The following NIBAN1 variants were observed in gnomAD, a reference collection of about 807,000 sequenced individuals.
The protein encoded by NIBAN1 is niban apoptosis regulator 1, also known as protein Niban 1.
Under a neutral mutation model 75.1 loss-of-function variants are expected in NIBAN1, and 81 were observed. That is an observed-to-expected ratio of 1.08 (90% CI 0.90 to 1.30). The LOEUF is 1.30. Ranked by LOEUF, NIBAN1 falls within the 50% of genes most tolerant of loss-of-function variation. The pLI is 0.00. For missense variants in NIBAN1, 1,133 were observed against 1,128.1 expected (o/e 1.00, Z -0.06); for synonymous variants, 436 against 424.8 (o/e 1.03, Z -0.32).
intron 11 of NIBAN1, 149 bp downstream of exon 11, chr1:184,805,797 T>C: frequency 1.6e-6 from 1 of 637,728 alleles, no homozygotes; most frequent in Non-Finnish European, 2.7e-6. Context: ...CTGGAGAAAC[T>C]GCAGCGGACT....
chr1:184,845,222 T>A (rs1655404977), intron 5 of NIBAN1, among the ~76,000 whole-genome samples: 1 of 152,060 alleles, frequency 6.6e-6, no homozygotes, highest in South Asian at 2.1e-4. Context: ...AACAGAGCTT[T>A]ACACTTAGGG....
At position 184,794,919 on chromosome 1, in the gene NIBAN1, T is replaced by C; in HGVS notation, c.*58A>G. 1 of 1,599,278 alleles carries C rather than the reference T, an allele frequency of 6.3e-7. No individual in the cohort carries two copies. Among genetic ancestry groups the C allele is most frequent in the Middle Eastern group, 1.7e-4 (1 of 6,058 alleles). On this transcript the variant is annotated 3_prime_UTR_variant, in exon 14 of 14. Transcript: ENST00000367511. ...TAACAGCTTGCATGCAACCCCTAAG[T>C]GTACCCCTATAACCCTTTGGCTTTT...
intron 2 of NIBAN1, among the ~76,000 whole-genome samples, chr1:184,895,460 C>G (rs566737899): frequency 3.9e-5 from 6 of 152,330 alleles, no homozygotes; most frequent in African/African-American, 1.2e-4. Flanking sequence ...AAAGCAATCA[C>G]TTATCCCTAT....
At chr1:184,867,312 T>A (rs6690708) in intron 5 of NIBAN1, among the ~76,000 whole-genome samples, 1 of 151,962 alleles carries the variant, frequency 6.6e-6, no homozygotes, top group Admixed American at 6.6e-5. Flanking sequence ...CCAGGAAAAA[T>A]ATCTCCCTCT....
At position 184,795,748 on chromosome 1, in the gene NIBAN1, G is replaced by A. The variant is rs1023877179; in HGVS notation, c.2016C>T (p.Asp672=). 2.5e-6 allele frequency: 4 copies of A among 1,612,248 alleles called. No individual in the cohort carries two copies. Among genetic ancestry groups the A allele is most frequent in the Non-Finnish European group, 3.4e-6 (4 of 1,178,918 alleles). ...AGCATGTGCCCGGGAGTCCTGCTGT[G>A]TCCTCTGTTGCCACAGGATTCACCA... The part of the protein sequence containing the change: ...DPVVNPVATE[D]TAGLPGTCSS... The change falls in exon 14 of 14, where the codon GAC becomes GAT. Residue 672 remains aspartate (D), a synonymous_variant. Transcript: ENST00000367511.
At chr1:184,954,168 A>G (rs114470628) in intron 1 of NIBAN1, among the ~76,000 whole-genome samples, 304 of 152,324 alleles carry the variant, frequency 2.0e-3, no homozygotes, top group Non-Finnish European at 3.4e-3. Context: ...AGTAAGTTGG[A>G]TGGGGGAAAC....
At chr1:184,917,395 G>C (rs1291871318) in intron 1 of NIBAN1, among the ~76,000 whole-genome samples, 1 of 71,178 alleles carries the variant, frequency 1.4e-5, no homozygotes, top group East Asian at 4.6e-4. Context: ...TTTTTTTTTA[G>C]TAGAGACGGG....
chr1:184,870,482 G>A (rs1338100482), intron 5 of NIBAN1, among the ~76,000 whole-genome samples: 2 of 152,090 alleles, frequency 1.3e-5, no homozygotes, highest in Non-Finnish European at 2.9e-5. Flanking sequence ...TCTACAACTC[G>A]AAAAAGTTCT....
chr1:184,877,903 A>G (rs1376518040), intron 5 of NIBAN1, among the ~76,000 whole-genome samples: 1 of 128,824 alleles, frequency 7.8e-6, no homozygotes, highest in African/African-American at 4.8e-5. Flanking sequence ...AATAGCACGA[A>G]CAAAACAATT....
At chr1:184,952,923 T>C (rs904096453) in intron 1 of NIBAN1, among the ~76,000 whole-genome samples, 4 of 152,224 alleles carry the variant, frequency 2.6e-5, no homozygotes, top group Admixed American at 2.6e-4. Flanking sequence ...GTCTGAAGCA[T>C]ACTGAAGTCT....
intron 2 of NIBAN1, among the ~76,000 whole-genome samples, chr1:184,897,994 C>A (rs1346344222): frequency 2.0e-5 from 3 of 152,132 alleles, no homozygotes; most frequent in Admixed American, 6.5e-5. Context: ...CCAGACAGAT[C>A]ATCTAAAATT....
intron 3 of NIBAN1, among the ~76,000 whole-genome samples, chr1:184,890,612 T>C (rs1656643342): frequency 6.6e-6 from 1 of 152,234 alleles, no homozygotes; most frequent in South Asian, 2.1e-4. Context: ...CTGCACAGAA[T>C]GCTTGGTGAC....
intron 5 of NIBAN1, among the ~76,000 whole-genome samples, chr1:184,838,276 C>A (rs938361011): frequency 6.6e-6 from 1 of 152,206 alleles, no homozygotes. Flanking sequence ...CCCGAACCTG[C>A]TGAAATCATT....
In NIBAN1 at chr1:184,963,338, T is replaced by C. The variant is rs572178683; in HGVS notation, c.55+10964A>G. ...AATCTATGGTTAACATCACACTTAATAGCAAAATGGGGAACATCCCTTTTC... is the reference window on the plus strand; with the variant it reads ...AATCTATGGTTAACATCACACTTAACAGCAAAATGGGGAACATCCCTTTTC... On this transcript the variant is annotated intron_variant, in intron 1 of 13. Coordinates refer to ENST00000367511, the MANE Select transcript of NIBAN1 (RefSeq NM_052966.4). Among the ~76,000 whole-genome samples, 5 of 152,250 alleles carry C rather than the reference T, an allele frequency of 3.3e-5. No homozygotes were observed. The East Asian group carries it at 7.7e-4, about 23-fold the overall frequency.
intron 1 of NIBAN1, among the ~76,000 whole-genome samples, chr1:184,904,374 T>A (rs1195163279): frequency 2.6e-5 from 4 of 152,176 alleles, no homozygotes; most frequent in East Asian, 1.9e-4. Context: ...TATTTCCTTA[T>A]AGCAACGGAA....
intron 7 of NIBAN1, 80 bp downstream of exon 7, chr1:184,823,558 A>G: frequency 6.7e-7 from 1 of 1,492,472 alleles, no homozygotes; most frequent in South Asian, 1.2e-5. Flanking sequence ...ATCAACAACA[A>G]CAACAAATGC....
At chr1:184,830,215 G>A (rs996871198) in intron 6 of NIBAN1, among the ~76,000 whole-genome samples, 3 of 152,204 alleles carry the variant, frequency 2.0e-5, no homozygotes, top group Non-Finnish European at 4.4e-5. Context: ...AACACCATTA[G>A]GTTTCGAACA....
At chr1:184,797,559 C>T (rs553948293) in intron 13 of NIBAN1, among the ~76,000 whole-genome samples, 1 of 151,116 alleles carries the variant, frequency 6.6e-6, no homozygotes, top group East Asian at 2.0e-4. Context: ...ACTGCATCAT[C>T]ACCCTGCACC....
intron 8 of NIBAN1, 115 bp from the exon 9 acceptor site, chr1:184,818,940 G>C: frequency 8.6e-7 from 1 of 1,158,044 alleles, no homozygotes; most frequent in South Asian, 1.6e-5. Context: ...GCCAAGGCAA[G>C]CTCAAGAGGC....
Sources: allele counts gnomAD v4.1 joint callset (sites outside exome capture counted in the v4.1 genomes callset), GRCh38; gene constraint gnomAD v4.1.1; transcripts MANE v1.5; gene names NCBI Gene and HGNC (gene_info 2026-07-23, HGNC 2026-07-21).